The following ESRRG variants were observed in gnomAD, a reference collection of about 807,000 sequenced individuals.
ESRRG encodes estrogen related receptor gamma.
In ESRRG, 13 loss-of-function variants were observed where a neutral mutation model predicts 44.0. The observed-to-expected ratio is 0.30, with a 90% CI of 0.19 to 0.47. The LOEUF is 0.47. Ranked by LOEUF, ESRRG falls within the 20% of genes least tolerant of loss-of-function variation. The pLI, the probability that ESRRG is intolerant of heterozygous loss-of-function variation, is 1.00. For synonymous variants in ESRRG, 215 were observed against 214.6 expected, an observed-to-expected ratio of 1.00 and a Z score of -0.02; for missense variants, 395 against 580.6, an observed-to-expected ratio of 0.68 and a Z score of 3.29.
rs960947397 is a variant in ESRRG, at chr1:216,662,535, T to C, written c.473-11446A>G. Among the ~76,000 whole-genome samples, 3 of 152,208 alleles carry C rather than the reference T, an allele frequency of 2.0e-5. No individual in the cohort carries two copies. In the South Asian group the frequency reaches 6.2e-4, roughly 32 times the overall value. ...TAAAATAAAATCTGTATACCTGAAC[T>C]GTCTTCTATGTTAGGGATTTCAGAT... is the stretch of plus-strand genomic sequence containing the variant. On this transcript the variant is annotated intron_variant, in intron 2 of 6. Transcript: ENST00000408911.
At chr1:217,060,874 A>C (rs2151346391) in intron 1 of ESRRG, among the ~76,000 whole-genome samples, 1 of 152,128 alleles carries the variant, frequency 6.6e-6, no homozygotes, top group Admixed American at 6.6e-5. Context: ...AGTGCCTGAA[A>C]GCTCAAAACA....
intron 2 of ESRRG, among the ~76,000 whole-genome samples, chr1:216,795,342 C>CTTTTTTTT (rs35142972): frequency 1.8e-4 from 19 of 105,422 alleles, no homozygotes; most frequent in Non-Finnish European, 2.4e-4. Flanking sequence ...TTTTCTTTTT[C>CTTTTTTTT]TTTTTTTTTT....
At chr1:216,804,439 T>A (rs567498262) in intron 2 of ESRRG, among the ~76,000 whole-genome samples, 1 of 152,136 alleles carries the variant, frequency 6.6e-6, no homozygotes, top group South Asian at 2.1e-4. Flanking sequence ...ACACTTAAAC[T>A]GAATGTTAAG....
chr1:217,066,333 C>CA (rs1437795182), intron 1 of ESRRG, among the ~76,000 whole-genome samples: 1 of 147,424 alleles, frequency 6.8e-6, no homozygotes, highest in African/African-American at 2.5e-5. Context: ...CGGCTCACTT[C>CA]AAGCTCCGCC....
At chr1:216,572,465 C>A (rs78378183) in intron 3 of ESRRG, among the ~76,000 whole-genome samples, 2,981 of 151,902 alleles carry the variant, frequency 0.02, 53 homozygotes, top group Admixed American at 0.044. Flanking sequence ...TACTTAAATT[C>A]AATAATGTTA....
intron 2 of ESRRG, among the ~76,000 whole-genome samples, chr1:216,925,167 G>T (rs977559777): frequency 1.3e-5 from 2 of 152,192 alleles, no homozygotes; most frequent in African/African-American, 4.8e-5. Context: ...GGCCAAGTGT[G>T]GTGGCTCATG....
At chr1:216,666,403 C>A (rs1477538794) in intron 2 of ESRRG, among the ~76,000 whole-genome samples, 3 of 152,118 alleles carry the variant, frequency 2.0e-5, no homozygotes, top group African/African-American at 7.2e-5. Context: ...AAATATAAAG[C>A]ACAAAGTATC....
At chr1:216,890,543 A>G (rs1273591682) in intron 2 of ESRRG, among the ~76,000 whole-genome samples, 2 of 152,222 alleles carry the variant, frequency 1.3e-5, no homozygotes, top group Admixed American at 6.5e-5. Context: ...ATAATAAATT[A>G]TGTGACCCTA....
chr1:216,964,812 T>TA (rs2069903359), intron 1 of ESRRG, among the ~76,000 whole-genome samples: 1 of 151,994 alleles, frequency 6.6e-6, no homozygotes, highest in Admixed American at 6.6e-5. Flanking sequence ...GGTGGGAAGA[T>TA]ATAACGTTAT....
chr1:216,815,573 C>T (rs61817870), intron 2 of ESRRG, among the ~76,000 whole-genome samples: 4,520 of 152,274 alleles, frequency 0.03, 84 homozygotes, highest in Middle Eastern at 0.061. Context: ...GGAAAAAGAC[C>T]ACCCGGGCTC....
chr1:216,999,624 G>C (rs761902550), intron 1 of ESRRG, among the ~76,000 whole-genome samples: 35 of 152,228 alleles, frequency 2.3e-4, no homozygotes, highest in South Asian at 1.9e-3. Flanking sequence ...AAAAGATCCA[G>C]TATTTTACCA....
chr1:216,517,727 C>T (rs1437295484), intron 6 of ESRRG, among the ~76,000 whole-genome samples: 2 of 152,090 alleles, frequency 1.3e-5, no homozygotes, highest in Non-Finnish European at 2.9e-5. Flanking sequence ...CCATCTCTCA[C>T]TTTGATCTTC....
intron 3 of ESRRG, among the ~76,000 whole-genome samples, chr1:216,638,841 C>G (rs550996790): frequency 6.6e-6 from 1 of 152,274 alleles, no homozygotes; most frequent in South Asian, 2.1e-4. Flanking sequence ...AGCTAGAAAA[C>G]AGCTCCTGGG....
At chr1:217,015,592 T>A (rs1244239365) in intron 1 of ESRRG, among the ~76,000 whole-genome samples, 2 of 152,200 alleles carry the variant, frequency 1.3e-5, no homozygotes, top group East Asian at 3.9e-4. Context: ...GTGTACTCAA[T>A]CATATTTTCT....
chr1:216,689,746 A>C (rs1048944046), intron 1 of ESRRG, among the ~76,000 whole-genome samples: 1 of 152,042 alleles, frequency 6.6e-6, no homozygotes, highest in African/African-American at 2.4e-5. Flanking sequence ...TTATCTATAC[A>C]CTCCCTATAA....
At chr1:216,779,732 A>C (rs1310702615) in intron 2 of ESRRG, among the ~76,000 whole-genome samples, 1 of 149,232 alleles carries the variant, frequency 6.7e-6, no homozygotes, top group African/African-American at 2.5e-5. Context: ...TGAGGTAATT[A>C]GAAGTATCTT....
At chr1:216,885,709 A>C (rs1266491771) in intron 2 of ESRRG, among the ~76,000 whole-genome samples, 1 of 151,984 alleles carries the variant, frequency 6.6e-6, no homozygotes, top group Non-Finnish European at 1.5e-5. Flanking sequence ...GATTCATAGG[A>C]AAGTTTTAAA....
intron 2 of ESRRG, among the ~76,000 whole-genome samples, chr1:216,661,734 T>TTTG (rs2151237221): frequency 1.3e-5 from 2 of 152,222 alleles, no homozygotes; most frequent in South Asian, 4.1e-4. Context: ...GTGCCCAAAG[T>TTTG]TTGTCAGAGA....
At chr1:216,936,653 T>C (rs2149891434) in intron 2 of ESRRG, 1 of 152,258 alleles carries the variant, frequency 6.6e-6, no homozygotes, top group African/African-American at 2.4e-5. Context: ...TTGTTTTACT[T>C]CTACTTACTT....
Sources: gnomAD v4.1 joint callset for allele counts (sites outside exome capture counted in the v4.1 genomes callset) on GRCh38, gnomAD v4.1.1 for gene constraint, MANE v1.5 for transcripts, NCBI Gene and HGNC (gene_info 2026-07-23, HGNC 2026-07-21) for gene names.